TTC6: variants seen among roughly 807,000 people sequenced by gnomAD.
TTC6 encodes tetratricopeptide repeat domain 6.
Under a neutral mutation model 210.4 loss-of-function variants are expected in TTC6, and 172 were observed. The ratio of observed to expected loss-of-function variants is 0.82; its 90% CI spans 0.72 to 0.93. The LOEUF is 0.93. Among genes scored for constraint, TTC6 ranks in the 40% least tolerant of loss-of-function variants. TTC6 has a pLI of 0.00. For missense variants in TTC6, 2,414 were observed against 2,318.1 expected, an observed-to-expected ratio of 1.04 and a Z score of -0.85; for synonymous variants, 804 against 819.6, an observed-to-expected ratio of 0.98 and a Z score of 0.32.
At chr14:37,745,620 T>C (rs961776016) in intron 10 of TTC6, among the ~76,000 whole-genome samples, 2 of 152,218 alleles carry the variant, frequency 1.3e-5, no homozygotes, top group Non-Finnish European at 2.9e-5. Context: ...CTAGGTCCAC[T>C]GTTAAATGGT....
exon 16 of TTC6, chr14:37,790,717 C>T (rs2139330879): frequency 6.5e-7 from 1 of 1,531,486 alleles, no homozygotes; most frequent in Non-Finnish European, 8.7e-7. Context: ...ACTTTTTAAG[C>T]ACTCATAAAT....
chr14:37,836,529 T>A (rs1258688351), intron 29 of TTC6, among the ~76,000 whole-genome samples: 3 of 152,238 alleles, frequency 2.0e-5, no homozygotes, highest in South Asian at 4.1e-4. Context: ...AAGTGTAGTT[T>A]AAATTTTTTT....
Position 37,806,288 on chromosome 14 carries a change from G to A in TTC6, c.4165-73G>A, listed in dbSNP as rs2096118392. 2.9e-6 allele frequency: 4 copies of A among 1,373,410 alleles called. No individual in the cohort carries two copies. The Admixed American group carries it at 7.6e-5, about 26-fold the overall frequency. 85.1% of individuals were successfully genotyped at this position (1,373,410 alleles called of 1,614,324 possible). On this transcript the variant is annotated intron_variant, in intron 21 of 30. Coordinates refer to ENST00000553443, the Ensembl canonical transcript of TTC6. ...AACTTTTCAACAATAATTATATACT[G>A]TAATTCGTTAACATTTTAAAACAAT...
chr14:37,690,726 A>G (rs1216024408), intron 3 of TTC6, among the ~76,000 whole-genome samples: 1 of 152,062 alleles, frequency 6.6e-6, no homozygotes, highest in African/African-American at 2.4e-5. Flanking sequence ...GCCCAGATTT[A>G]TGAAGCAAAT....
At chr14:37,809,844 G>A (rs1279698299) in intron 24 of TTC6, among the ~76,000 whole-genome samples, 7 of 152,082 alleles carry the variant, frequency 4.6e-5, no homozygotes, top group Non-Finnish European at 8.8e-5. Flanking sequence ...CCTCACTGGG[G>A]AGCAGCTAGT....
chr14:37,611,231 G>C (rs2095633888), intron 2 of TTC6: 1 of 152,046 alleles, frequency 6.6e-6, no homozygotes, highest in South Asian at 2.1e-4. Flanking sequence ...GACCGAGCGC[G>C]TCCTCTCTTC....
chr14:37,621,307 T>C (rs957993889), upstream of TTC6, among the ~76,000 whole-genome samples: 1 of 152,192 alleles, frequency 6.6e-6, no homozygotes, highest in Non-Finnish European at 1.5e-5. Flanking sequence ...TAGCTGGCTA[T>C]GAATTAAGAT....
At chr14:37,837,227 T>G in intron 29 of TTC6, 1 of 244,968 alleles carries the variant, frequency 4.1e-6, no homozygotes, top group Non-Finnish European at 8.3e-6. Flanking sequence ...AAGAATTTGC[T>G]TTTACATGAT....
chr14:37,785,403 T>C (rs2096065243), intron 14 of TTC6, among the ~76,000 whole-genome samples: 2 of 152,252 alleles, frequency 1.3e-5, no homozygotes, highest in South Asian at 4.1e-4. Flanking sequence ...TTCCAGTTGA[T>C]TGAATTGGCT....
chr14:37,597,290 T>G (rs1213459805), intron 1 of TTC6, among the ~76,000 whole-genome samples: 1 of 152,112 alleles, frequency 6.6e-6, no homozygotes, highest in Non-Finnish European at 1.5e-5. Context: ...CCGGGGGACT[T>G]TCAGTGCTAA....
At chr14:37,649,008 C>A (rs752389102) in intron 1 of TTC6, among the ~76,000 whole-genome samples, 1 of 152,054 alleles carries the variant, frequency 6.6e-6, no homozygotes, top group Non-Finnish European at 1.5e-5. Context: ...CCTCCCCACC[C>A]CCCAGGATAT....
intron 13 of TTC6, among the ~76,000 whole-genome samples, chr14:37,751,786 T>C (rs1271579274): frequency 1.3e-5 from 2 of 151,792 alleles, no homozygotes; most frequent in African/African-American, 4.8e-5. Flanking sequence ...GGAGAGTAAC[T>C]TATGTTTAGG....
chr14:37,648,663 G>C (rs1239933914), intron 1 of TTC6, among the ~76,000 whole-genome samples: 1 of 152,170 alleles, frequency 6.6e-6, no homozygotes, highest in East Asian at 1.9e-4. Context: ...ATTTTCATCT[G>C]TAATGTTGTC....
intron 27 of TTC6, among the ~76,000 whole-genome samples, chr14:37,825,724 G>T (rs1036707042): frequency 1.3e-5 from 2 of 152,070 alleles, no homozygotes; most frequent in African/African-American, 4.8e-5. Context: ...TGATTTATCA[G>T]AATATGTTTA....
chr14:37,659,235 A>G (rs747429725), intron 1 of TTC6, among the ~76,000 whole-genome samples: 1 of 152,122 alleles, frequency 6.6e-6, no homozygotes, highest in African/African-American at 2.4e-5. Flanking sequence ...TAGTGCTGTA[A>G]TGGACATTTG....
At chr14:37,629,507 C>G (rs554642914) in intron 1 of TTC6, among the ~76,000 whole-genome samples, 1 of 152,262 alleles carries the variant, frequency 6.6e-6, no homozygotes, top group African/African-American at 2.4e-5. Context: ...AGATTTTGGG[C>G]TGAGAGGATG....
At chr14:37,596,532 T>C (rs2095604970) in intron 1 of TTC6, among the ~76,000 whole-genome samples, 1 of 152,192 alleles carries the variant, frequency 6.6e-6, no homozygotes, top group Non-Finnish European at 1.5e-5. Context: ...CCACTTGTCC[T>C]GGGAGAGAGA....
intron 3 of TTC6, among the ~76,000 whole-genome samples, chr14:37,689,355 T>C (rs980570774): frequency 2.6e-5 from 4 of 152,110 alleles, no homozygotes; most frequent in African/African-American, 7.2e-5. Context: ...CTAAGTGTTA[T>C]TGGCCTTAAA....
At chr14:37,701,298 A>T in intron 4 of TTC6, 34 bp from the exon 7 acceptor site, 1 of 1,340,864 alleles carries the variant, frequency 7.5e-7, no homozygotes, top group Admixed American at 3.5e-5. Flanking sequence ...CCACAAAATG[A>T]TGAAAGGAGC....
Sources: gnomAD v4.1 joint callset for allele counts (sites outside exome capture counted in the v4.1 genomes callset) on GRCh38, gnomAD v4.1.1 for gene constraint, MANE v1.5 for transcripts, NCBI Gene and HGNC (gene_info 2026-07-23, HGNC 2026-07-21) for gene names.